DLGAP2: variants seen among roughly 807,000 people sequenced by gnomAD.
The protein encoded by DLGAP2 is disks large-associated protein 2.
A neutral mutation model predicts 100.3 loss-of-function variants in DLGAP2; 26 were observed. The observed-to-expected ratio is 0.26, with a 90% CI of 0.19 to 0.36. DLGAP2 has a LOEUF of 0.36. DLGAP2 is among the 10% of genes least tolerant of loss of function. The probability of loss-of-function intolerance (pLI) is 1.00; values close to 1 mark genes in which losing one functional copy is unlikely to be tolerated. For missense variants in DLGAP2, 1,858 were observed against 1,453.2 expected (o/e 1.28, Z -4.53); for synonymous variants, 886 against 630.1 (o/e 1.41, Z -6.08).
intron 2 of DLGAP2, among the ~76,000 whole-genome samples, chr8:948,360 G>A (rs1584915237): frequency 6.6e-6 from 1 of 152,188 alleles, no homozygotes; most frequent in African/African-American, 2.4e-5. Flanking sequence ...GGAAGAAAGA[G>A]GAAGTAAGAC....
intron 3 of DLGAP2, among the ~76,000 whole-genome samples, chr8:1,489,430 C>T (rs900375574): frequency 6.6e-6 from 1 of 152,182 alleles, no homozygotes; most frequent in African/African-American, 2.4e-5. Context: ...ACAGCAGTCA[C>T]TCGGGGCTGA....
At chr8:1,644,243 T>G (rs34892587) in intron 8 of DLGAP2, among the ~76,000 whole-genome samples, 40,010 of 152,044 alleles carry the variant, frequency 0.26, 5,384 homozygotes, top group East Asian at 0.39. Context: ...ACATTCTTGC[T>G]AAAAAGGCAG....
chr8:1,084,481 G>A (rs1803909745), intron 2 of DLGAP2, among the ~76,000 whole-genome samples: 1 of 152,210 alleles, frequency 6.6e-6, no homozygotes, highest in Non-Finnish European at 1.5e-5. Context: ...TCTAGAGACA[G>A]ACTTGCCCTC....
chr8:1,200,010 G>A (rs577633017), intron 2 of DLGAP2, among the ~76,000 whole-genome samples: 3 of 152,032 alleles, frequency 2.0e-5, no homozygotes, highest in African/African-American at 7.2e-5. Context: ...GTCCCATCCT[G>A]TGGAAAAGTG....
At chr8:874,492 A>C (rs4735823) in intron 1 of DLGAP2, among the ~76,000 whole-genome samples, 136,642 of 152,230 alleles carry the variant, frequency 0.9, 61,756 homozygotes, top group African/African-American at 0.96. Flanking sequence ...TGTTTAATTT[A>C]CACAAACTGG....
intron 1 of DLGAP2, among the ~76,000 whole-genome samples, chr8:751,116 C>T (rs1337876114): frequency 2.0e-4 from 13 of 63,448 alleles, no homozygotes; most frequent in South Asian, 1.8e-3. Context: ...CACCCTCTCA[C>T]GGGAAGGAGC....
intron 2 of DLGAP2, among the ~76,000 whole-genome samples, chr8:1,087,486 T>C (rs1804013106): frequency 6.6e-6 from 1 of 152,072 alleles, no homozygotes; most frequent in South Asian, 2.1e-4. Flanking sequence ...GCAGGATGAT[T>C]TGTAATCTCA....
intron 1 of DLGAP2, among the ~76,000 whole-genome samples, chr8:885,133 A>C (rs1797898011): frequency 6.6e-6 from 1 of 152,228 alleles, no homozygotes; most frequent in South Asian, 2.1e-4. Flanking sequence ...TTGATTTCAT[A>C]TGAAATTTAA....
chr8:1,085,178 T>C (rs1046643433), intron 2 of DLGAP2, among the ~76,000 whole-genome samples: 7 of 152,236 alleles, frequency 4.6e-5, no homozygotes, highest in Non-Finnish European at 7.3e-5. Flanking sequence ...GAAATGTGTG[T>C]TCAGGTACCT....
At chr8:1,222,251 G>C (rs180808816) in intron 2 of DLGAP2, among the ~76,000 whole-genome samples, 1 of 152,286 alleles carries the variant, frequency 6.6e-6, no homozygotes, top group Admixed American at 6.5e-5. Flanking sequence ...TTTGGATGGG[G>C]CTTTTTGATT....
In DLGAP2 at chr8:1,678,400, G is replaced by A; in HGVS notation, c.2475G>A (p.Gly825=). Residue 825 remains glycine, a synonymous_variant, in exon 12 of 15, where the codon GGG becomes GGA. Transcript: ENST00000637795. The stretch of plus-strand genomic sequence containing the variant: ...CGGTGAGAACTGTACGGACCCAGGG[G>A]CTCTTCAGCTATAGAGAAGACTATC... The part of the protein sequence containing the change: ...YSAVRTVRTQ[G]LFSYREDYRT... 6.2e-7 allele frequency: 1 copy of A among 1,613,890 alleles called. No individual in the cohort carries two copies. Among genetic ancestry groups the A allele is most frequent in the Middle Eastern group, 1.6e-4 (1 of 6,062 alleles).
chr8:1,288,190 AGTGTGTGTGTGTGTGT>A (rs1179699312), intron 3 of DLGAP2, among the ~76,000 whole-genome samples: 8 of 93,568 alleles, frequency 8.5e-5, no homozygotes, highest in African/African-American at 3.6e-4. Context: ...GTTTCGGTTG[AGTGTGTGTGTGTGTGT>A]GTGTGTGTGT....
rs1563113011 is a variant in DLGAP2 at position 1,374,133 on chromosome 8, T to TGC, written c.106+115250_106+115251insGC. On this transcript the variant is annotated intron_variant, in intron 3 of 14. Transcript: ENST00000637795. ...TGTGTGGTGGAGGTTAGGTTAGGTT[T>TGC]ACAGAGGGCTGTGTAGTGTGGAGGT... 1.4e-3 allele frequency among the ~76,000 whole-genome samples: 209 copies of TGC among 149,324 alleles called. 2 individuals are homozygous for TGC. The highest frequency in any genetic ancestry group is 5.1e-3 in the African/African-American group (198 of 39,198).
At chr8:1,422,963 G>C (rs548121570) in intron 3 of DLGAP2, among the ~76,000 whole-genome samples, 47 of 152,258 alleles carry the variant, frequency 3.1e-4, no homozygotes, top group Non-Finnish European at 5.9e-4. Flanking sequence ...GCCTGGGGAG[G>C]GGATCCGTGC....
chr8:1,174,532 TATC>T (rs749880871), intron 2 of DLGAP2, among the ~76,000 whole-genome samples: 45 of 151,038 alleles, frequency 3.0e-4, no homozygotes, highest in Non-Finnish European at 6.5e-4. Context: ...CCAAAATCAT[TATC>T]ATCATTACCA....
rs56713858 is a variant in DLGAP2 at position 1,254,945 on chromosome 8, G to A, written c.74-3906G>A. On this transcript the variant is annotated intron_variant, in intron 2 of 14. Coordinates refer to ENST00000637795, the MANE Select transcript of DLGAP2 (RefSeq NM_001346810.2). Reference sequence around the variant, plus strand: ...GCTGTGTGTGTGCCCTCTCCTGCCCGGGTGCTGTGTGTGTGTCCTCTCATC... The same window carrying A: ...GCTGTGTGTGTGCCCTCTCCTGCCCAGGTGCTGTGTGTGTGTCCTCTCATC... 1.7e-3 allele frequency among the ~76,000 whole-genome samples: 224 copies of A among 133,982 alleles called. 2 individuals carry two copies. The highest frequency in any genetic ancestry group is 8.9e-3 in the Middle Eastern group (2 of 224). The allele number at this position is 133,982 out of a possible 152,430, so 87.9% of individuals were successfully genotyped here.
chr8:1,691,695 A>G (rs1799265227), intron 13 of DLGAP2, 69 bp downstream of exon 13: 1 of 1,314,794 alleles, frequency 7.6e-7, no homozygotes. Flanking sequence ...ACAGATTCTC[A>G]TTGTTTTCTT....
intron 8 of DLGAP2, among the ~76,000 whole-genome samples, chr8:1,647,252 G>A (rs1415759364): frequency 1.3e-5 from 2 of 151,996 alleles, no homozygotes; most frequent in Non-Finnish European, 2.9e-5. Context: ...TGAATTCAGG[G>A]CTGCTCACAG....
intron 1 of DLGAP2, among the ~76,000 whole-genome samples, chr8:752,804 C>T (rs537539959): frequency 6.6e-6 from 1 of 152,040 alleles, no homozygotes; most frequent in South Asian, 2.1e-4. Context: ...ATGATACTGT[C>T]GGCTGGGCCC....
Sources: gnomAD v4.1 joint callset for allele counts (sites outside exome capture counted in the v4.1 genomes callset) on GRCh38, gnomAD v4.1.1 for gene constraint, MANE v1.5 for transcripts, NCBI Gene and HGNC (gene_info 2026-07-23, HGNC 2026-07-21) for gene names.